DMKN: variants seen among roughly 807,000 people sequenced by gnomAD.
The protein encoded by DMKN is epidermis-specific secreted protein SK30/SK89.
In DMKN, 58 loss-of-function variants were observed where a neutral mutation model predicts 67.6. The observed-to-expected ratio is 0.86, with a 90% CI of 0.69 to 1.07. The LOEUF is 1.07. Ranked by LOEUF, DMKN falls within the 50% of genes least tolerant of loss-of-function variation. The pLI, the probability that DMKN is intolerant of heterozygous loss-of-function variation, is 0.00. For missense variants in DMKN, 596 were observed against 601.5 expected (o/e 0.99, Z 0.10); for synonymous variants, 240 against 232.3 (o/e 1.03, Z -0.30).
chr19:35,513,025 C>T (rs758868967), intron 1 of DMKN, 25 bp downstream of exon 1: 3 of 1,609,492 alleles, frequency 1.9e-6, no homozygotes, highest in Admixed American at 1.7e-5. Context: ...CTCCCATTTC[C>T]ACATGCAGCC....
intron 9 of DMKN, 134 bp downstream of exon 9, chr19:35,505,584 T>G: frequency 1.1e-5 from 12 of 1,079,368 alleles, no homozygotes; most frequent in Middle Eastern, 2.0e-4. Flanking sequence ...CCACCCCCAG[T>G]GTGTTTAGTT....
intron 9 of DMKN, chr19:35,503,568 C>T (rs929252270): frequency 1.3e-5 from 18 of 1,334,308 alleles, no homozygotes; most frequent in East Asian, 1.3e-4. Flanking sequence ...CTCCGCTTCC[C>T]AGGTTCAAGC....
At chr19:35,505,215 G>C (rs539262666) in intron 9 of DMKN, among the ~76,000 whole-genome samples, 3 of 152,208 alleles carry the variant, frequency 2.0e-5, no homozygotes, top group African/African-American at 7.2e-5. Flanking sequence ...TCCCCTGCAA[G>C]ACGGAAGGGT....
In DMKN at chr19:35,512,931, G is replaced by T; in HGVS notation, c.426+119C>A. ...ATAGGAGGGGGGCAGAACATAGAAG[G>T]AAGCTGCCCCAGAAGCCTGCAAGTA... On this transcript the variant is annotated intron_variant, in intron 1 of 15. Transcript: ENST00000339686. 3.9e-6 allele frequency: 6 copies of T among 1,522,246 alleles called. No individual in the cohort carries two copies. The South Asian group carries it at 6.3e-5, about 16-fold the overall frequency. 94.3% of individuals were successfully genotyped at this position (1,522,246 alleles called of 1,614,324 possible). A position where few individuals can be genotyped will look rare whatever the true frequency, so the allele number is the denominator to read the frequency against.
intron 15 of DMKN, 79 bp from the exon 16 acceptor site, chr19:35,497,617 T>A (rs2067653406): frequency 6.6e-6 from 1 of 152,306 alleles, no homozygotes; most frequent in Admixed American, 6.5e-5. Context: ...ACCCAGCGTC[T>A]GGGCACCCAC....
rs1600095355 is a variant in DMKN, at chr19:35,512,405, A to T, written c.684+16T>A. The T allele has an allele frequency of 1.2e-6, 2 of 1,613,382 alleles. No individual in the cohort carries two copies. The highest frequency in any genetic ancestry group is 2.7e-5 in the African/African-American group (2 of 74,822). ...CCCAGTGGCTTCTTCATTTGTTCCC[A>T]GCCCCTTCCTCTTACCCCTTCATTC... On this transcript the variant is annotated intron_variant, in intron 3 of 15. Coordinates refer to ENST00000339686, the MANE Select transcript of DMKN (RefSeq NM_033317.5).
intron 7 of DMKN, chr19:35,508,451 A>G (rs143415056): frequency 1.1e-4 from 61 of 545,520 alleles, no homozygotes; most frequent in African/African-American, 9.2e-4. Flanking sequence ...TGAAGATAAG[A>G]GGTAGATAGT....
At position 35,502,146 on chromosome 19, in the gene DMKN, G is replaced by A. The variant is rs2068508864; in HGVS notation, c.1229C>T (p.Ala410Val). The A allele has an allele frequency of 6.2e-7, 1 of 1,614,200 alleles. No individual in the cohort carries two copies. Among genetic ancestry groups the A allele is most frequent in the African/African-American group, 1.3e-5 (1 of 75,052 alleles). ...KQNTPFLNWK[A>V]IIEGADASSL... Reference sequence around the variant, plus strand: ...TCCTGCCCCCCTTACCTCAATAATTGCTTTCCAGTTGAGGAAAGGAGTGTT... The same window carrying A: ...TCCTGCCCCCCTTACCTCAATAATTACTTTCCAGTTGAGGAAAGGAGTGTT... The change falls in exon 11 of 16, where the codon GCA becomes GTA. Residue 410 changes from alanine to valine, a missense_variant. Transcript: ENST00000339686.
chr19:35,506,776 G>A, intron 7 of DMKN: 1 of 275,322 alleles, frequency 3.6e-6, no homozygotes, highest in South Asian at 3.2e-5. Context: ...CACTTTGAGA[G>A]GCCGAGGTGG....
intron 5 of DMKN, among the ~76,000 whole-genome samples, chr19:35,510,938 C>G (rs2070646652): frequency 6.6e-6 from 1 of 152,136 alleles, no homozygotes. Flanking sequence ...GCCCTCACAC[C>G]CATCGTGCAG....
chr19:35,509,979 G>A lies in DMKN; in HGVS notation c.988-18C>T. 6.2e-7 allele frequency: 1 copy of A among 1,614,034 alleles called. No individual in the cohort carries two copies. Among genetic ancestry groups the A allele is most frequent in the Non-Finnish European group, 8.5e-7 (1 of 1,179,916 alleles). On this transcript the variant is annotated intron_variant, in intron 6 of 15. Transcript: ENST00000339686. ...TTTTCACACTGCCGGGGAGAGAAAG[G>A]GGAGACTTTCCCTCAGTCCCCTCCC...
chr19:35,508,302 T>C, intron 7 of DMKN: 2 of 1,540,420 alleles, frequency 1.3e-6, no homozygotes, highest in Non-Finnish European at 1.8e-6. Flanking sequence ...CCCCCGAAAA[T>C]TAATGTATTG....
intron 11 of DMKN, among the ~76,000 whole-genome samples, chr19:35,500,968 C>A (rs896314500): frequency 2.0e-4 from 31 of 152,304 alleles, no homozygotes; most frequent in African/African-American, 7.5e-4. Context: ...CCCTGCACAC[C>A]GACGCCATGC....
Position 35,501,433 on chromosome 19 carries a change from C to T in DMKN, c.1239+703G>A, listed in dbSNP as rs118173914. Among the ~76,000 whole-genome samples, 13 of 152,362 alleles carry T rather than the reference C, an allele frequency of 8.5e-5. No homozygotes were observed. The East Asian group carries it at 1.2e-3, about 14-fold the overall frequency. ...GTTCTTCGTGAAACATCAGACAACA[C>T]GCCACCCTGTTCACACATGCATGCA... On this transcript the variant is annotated intron_variant, in intron 11 of 15. Transcript: ENST00000339686.
chr19:35,505,923 A>G lies in DMKN; in HGVS notation c.1086+16T>C, dbSNP rs753726279. The G allele has an allele frequency of 1.2e-6, 2 of 1,614,230 alleles. No homozygotes were observed. The highest frequency in any genetic ancestry group is 1.7e-5 in the Admixed American group (1 of 60,024). On this transcript the variant is annotated intron_variant, in intron 8 of 15. Transcript: ENST00000339686. ...TTTCCAAATGCGAGTGAACAGAGCC[A>G]TCTCGCAGAACTCACCTTCCAGAAA...
At chr19:35,501,975 G>A (rs2068473683) in intron 11 of DMKN, 161 bp downstream of exon 11, 8 of 1,545,476 alleles carry the variant, frequency 5.2e-6, no homozygotes, top group Middle Eastern at 3.4e-4. Context: ...GCTCCTCAGT[G>A]ACTCACGGCT....
rs796909544 is a variant in DMKN, at chr19:35,511,574, G to A, written c.755C>T (p.Ser252Leu). ...SNSGGGSGSQ[S>L]GSSGSGSNGD... ...ATTGCTGCCACTGCCACTGCTGCCC[G>A]ACTGTGAGCCGCTGCCTCCCTGAGG... Residue 252 changes from serine to leucine, a missense_variant, in exon 5 of 16, where the codon TCG becomes TTG. By Grantham distance (145) the Ser-to-Leu change is moderately radical. Coordinates refer to ENST00000339686, the MANE Select transcript of DMKN (RefSeq NM_033317.5). 15 of 1,602,524 alleles carry A rather than the reference G, an allele frequency of 9.4e-6. No homozygotes were observed. Among genetic ancestry groups the A allele is most frequent in the East Asian group, 4.6e-5 (2 of 43,754 alleles).
At chr19:35,503,054 CAG>C (rs2145944460) in intron 9 of DMKN, among the ~76,000 whole-genome samples, 168 bp from the exon 10 acceptor site, 1 of 152,244 alleles carries the variant, frequency 6.6e-6, no homozygotes, top group South Asian at 2.1e-4. Flanking sequence ...TTGGGAAACA[CAG>C]GGAGAGAGAG....
intron 11 of DMKN, 187 bp downstream of exon 11, chr19:35,501,949 G>A (rs769430573): frequency 1.0e-5 from 16 of 1,555,198 alleles, no homozygotes; most frequent in Non-Finnish European, 1.3e-5. Context: ...TTATGCTAGG[G>A]AGGTCCTCCC....
Sources: gnomAD v4.1 joint callset for allele counts (sites outside exome capture counted in the v4.1 genomes callset) on GRCh38, gnomAD v4.1.1 for gene constraint, MANE v1.5 for transcripts, NCBI Gene and HGNC (gene_info 2026-07-23, HGNC 2026-07-21) for gene names.